Variants in LRRC4B observed in about 807,000 individuals in gnomAD.
LRRC4B encodes leucine-rich repeat-containing protein 4B.
In LRRC4B, 1 loss-of-function variant was observed where a neutral mutation model predicts 7.3. That is an observed-to-expected ratio of 0.14 (90% CI 0.05 to 0.65). The LOEUF is 0.65. Among genes scored for constraint, LRRC4B ranks in the 30% least tolerant of loss-of-function variants. The pLI, the probability that LRRC4B is intolerant of heterozygous loss-of-function variation, is 0.84. For synonymous variants in LRRC4B, 500 were observed against 499.2 expected, an observed-to-expected ratio of 1.00 and a Z score of -0.02; for missense variants, 730 against 1,041.6, an observed-to-expected ratio of 0.70 and a Z score of 4.12.
At chr19:50,533,269 G>A (rs1221348969) in intron 2 of LRRC4B, among the ~76,000 whole-genome samples, 3 of 151,788 alleles carry the variant, frequency 2.0e-5, no homozygotes, top group Non-Finnish European at 4.4e-5. Flanking sequence ...TGTCTTCTTT[G>A]TATTGACTGA....
chr19:50,529,162 G>A (rs1568721060), intron 2 of LRRC4B, among the ~76,000 whole-genome samples: 1 of 152,070 alleles, frequency 6.6e-6, no homozygotes, highest in Non-Finnish European at 1.5e-5. Flanking sequence ...CATTTCCCGG[G>A]ACGCTAAACA....
rs1356469386 is a variant in LRRC4B at position 50,548,623 on chromosome 19, G to A, written c.216C>T (p.Cys72=). 2 of 1,595,402 alleles carry A rather than the reference G, an allele frequency of 1.3e-6. No homozygotes were observed. Among genetic ancestry groups the A allele is most frequent in the East Asian group, 2.3e-5 (1 of 44,242 alleles). ...SCSNQASRVI[C]TRRDLAEVPA... Reference sequence around the variant, plus strand: ...GGACCTCGGCCAGGTCTCTCCGTGTGCAGATCACCCGGCTGGCCTGGTTGC... The same window carrying A: ...GGACCTCGGCCAGGTCTCTCCGTGTACAGATCACCCGGCTGGCCTGGTTGC... The change falls in exon 2 of 3, where the codon TGC becomes TGT. Residue 72 remains cysteine (C), a synonymous_variant. Coordinates refer to ENST00000652263, the MANE Select transcript of LRRC4B (RefSeq NM_001080457.2). This position sits in a 1 kb window ranked among gnomAD's most constrained non-coding sequence, Gnocchi z 6.8.
intron 2 of LRRC4B, among the ~76,000 whole-genome samples, chr19:50,520,164 C>T (rs1045140097): frequency 8.8e-6 from 1 of 113,992 alleles, no homozygotes; most frequent in Non-Finnish European, 1.7e-5. Context: ...CCTGATCACG[C>T]CACTGCACTC....
chr19:50,545,516 G>C (rs1405903621), intron 2 of LRRC4B, among the ~76,000 whole-genome samples: 5 of 151,670 alleles, frequency 3.3e-5, no homozygotes, highest in African/African-American at 1.2e-4. Context: ...GGGAAGTTAA[G>C]GCTGCAGGGA....
At chr19:50,535,936 G>C (rs1981262391) in intron 2 of LRRC4B, among the ~76,000 whole-genome samples, 1 of 152,214 alleles carries the variant, frequency 6.6e-6, no homozygotes, top group South Asian at 2.1e-4. Context: ...ATCTATATCA[G>C]AGGCATGTGC....
chr19:50,554,104 C>G (rs906724740), intron 1 of LRRC4B, among the ~76,000 whole-genome samples: 5 of 151,016 alleles, frequency 3.3e-5, no homozygotes, highest in Non-Finnish European at 7.4e-5. Context: ...AGCAATTCTC[C>G]TGCCCCAGCC....
chr19:50,564,921 G>A (rs536803256), intron 1 of LRRC4B, among the ~76,000 whole-genome samples: 2 of 151,740 alleles, frequency 1.3e-5, no homozygotes, highest in African/African-American at 2.4e-5. Flanking sequence ...CCTGAAGATC[G>A]GCCTCTCTGC....
Position 50,517,923 on chromosome 19 carries a change from T to C in LRRC4B, c.1790A>G (p.Tyr597Cys). ...FMAAVMLVAF[Y>C]KLRKQHQLHK... Reference sequence around the variant, plus strand: ...GAGCTGGTGCTGCTTGCGCAGCTTGTAGAAGGCCACGAGCATCACCGCGGC... The same window carrying C: ...GAGCTGGTGCTGCTTGCGCAGCTTGCAGAAGGCCACGAGCATCACCGCGGC... Residue 597 changes from tyrosine (Y) to cysteine (C), a missense_variant, in exon 3 of 3, where the codon TAC becomes TGC. Transcript: ENST00000652263. The surrounding 1 kb of genome is among the most constrained non-coding windows in gnomAD (Gnocchi z 6.6). The C allele has an allele frequency of 6.4e-7, 1 of 1,573,742 alleles. No homozygotes were observed. The highest frequency in any genetic ancestry group is 8.6e-7 in the Non-Finnish European group (1 of 1,165,544).
intron 1 of LRRC4B, among the ~76,000 whole-genome samples, chr19:50,561,994 T>TCA (rs200980259): frequency 0.15 from 22,970 of 151,878 alleles, 2,383 homozygotes; most frequent in Admixed American, 0.28. Context: ...GATGCGTGCC[T>TCA]GTAGTCTCAG....
chr19:50,536,412 C>T (rs375317512), intron 2 of LRRC4B, among the ~76,000 whole-genome samples: 1 of 152,202 alleles, frequency 6.6e-6, no homozygotes, highest in Non-Finnish European at 1.5e-5. Flanking sequence ...GGATTACAGG[C>T]GTGAGCCACT....
At position 50,563,782 on chromosome 19, in the gene LRRC4B, G is replaced by C. The variant is rs1982544147; in HGVS notation, c.-36+4162C>G. Among the ~76,000 whole-genome samples, 1 of 152,228 alleles carries C rather than the reference G, an allele frequency of 6.6e-6. No homozygotes were observed. Among genetic ancestry groups the C allele is most frequent in the Admixed American group, 6.5e-5 (1 of 15,290 alleles). ...CGCTGACTTTCCAACACTGTGAGGGGCTGGCAGTTTCACAGCAGATCCTGG... is the reference window on the plus strand; with the variant it reads ...CGCTGACTTTCCAACACTGTGAGGGCCTGGCAGTTTCACAGCAGATCCTGG... On this transcript the variant is annotated intron_variant, in intron 1 of 2. Coordinates refer to ENST00000652263, the MANE Select transcript of LRRC4B (RefSeq NM_001080457.2). The surrounding 1 kb of genome is among the most constrained non-coding windows in gnomAD (Gnocchi z 4.9).
In LRRC4B at chr19:50,553,427, A is replaced by C. The variant is rs1454514788; in HGVS notation, c.-35-4554T>G. ...CATCGCTTCCCTCCTCCCCCTGCTC[A>C]CTCGCTGTTTCCAGAACAGGCCGTG... On this transcript the variant is annotated intron_variant, in intron 1 of 2. Coordinates refer to ENST00000652263, the MANE Select transcript of LRRC4B (RefSeq NM_001080457.2). This position sits in a 1 kb window ranked among gnomAD's most constrained non-coding sequence, Gnocchi z 4.2. Among the ~76,000 whole-genome samples the C allele has an allele frequency of 6.6e-6, 1 of 151,588 alleles. No individual in the cohort carries two copies. Among genetic ancestry groups the C allele is most frequent in the Non-Finnish European group, 1.5e-5 (1 of 67,916 alleles).
chr19:50,562,835 G>C (rs191919466), intron 1 of LRRC4B, among the ~76,000 whole-genome samples: 3 of 151,624 alleles, frequency 2.0e-5, no homozygotes, highest in African/African-American at 7.3e-5. Flanking sequence ...CTGCCTCCCG[G>C]GTTCAAGCGA....
chr19:50,519,215 C>T lies in LRRC4B; in HGVS notation c.498G>A (p.Arg166=). 1 of 1,614,088 alleles carries T rather than the reference C, an allele frequency of 6.2e-7. No individual in the cohort carries two copies. Among genetic ancestry groups the T allele is most frequent in the Non-Finnish European group, 8.5e-7 (1 of 1,180,014 alleles). Residue 166 remains arginine, a synonymous_variant, in exon 3 of 3, where the codon CGG becomes CGA. Transcript: ENST00000652263. This position sits in a 1 kb window ranked among gnomAD's most constrained non-coding sequence, Gnocchi z 8.1. The part of the protein sequence containing the change: ...YLSKLRELWL[R]NNPIESIPSY... Reference sequence around the variant, plus strand: ...AGGGGATGCTCTCGATGGGGTTGTTCCGCAGCCAGAGCTCCCGCAGCTTGG... The same window carrying T: ...AGGGGATGCTCTCGATGGGGTTGTTTCGCAGCCAGAGCTCCCGCAGCTTGG...
At chr19:50,529,257 T>G (rs1282059133) in intron 2 of LRRC4B, among the ~76,000 whole-genome samples, 3 of 151,942 alleles carry the variant, frequency 2.0e-5, no homozygotes, top group Non-Finnish European at 4.4e-5. Flanking sequence ...CCTGGCGTGT[T>G]GAAGCTCCGT....
At chr19:50,542,719 T>C (rs1362339066) in intron 2 of LRRC4B, among the ~76,000 whole-genome samples, 2 of 152,044 alleles carry the variant, frequency 1.3e-5, no homozygotes, top group African/African-American at 2.4e-5. Context: ...TCAGGTGATC[T>C]GCCTGCCTCA....
chr19:50,554,953 C>G (rs943439065), intron 1 of LRRC4B, among the ~76,000 whole-genome samples: 12 of 152,174 alleles, frequency 7.9e-5, no homozygotes, highest in Admixed American at 1.3e-4. Context: ...GTGTGGGGGG[C>G]AGGGTGCAGG....
Position 50,518,271 on chromosome 19 carries a change from C to T in LRRC4B, c.1442G>A (p.Ser481Asn), listed in dbSNP as rs760253582. The T allele has an allele frequency of 3.1e-6, 5 of 1,600,272 alleles. No homozygotes were observed. The highest frequency in any genetic ancestry group is 3.4e-6 in the Non-Finnish European group (4 of 1,174,168). The change falls in exon 3 of 3, where the codon AGT becomes AAT. Residue 481 changes from serine to asparagine, a missense_variant. Ser to Asn is a conservative substitution (Grantham distance 46, BLOSUM62 1). Transcript: ENST00000652263. ...PGGSGGVGGGSGGYTYFTTVT... is the reference protein window; with the variant it reads ...PGGSGGVGGGNGGYTYFTTVT... Reference sequence around the variant, plus strand: ...CGTGGTGAAGTAGGTGTAGCCGCCACTGCCCCCTCCAACACCACCACTGCC... The same window carrying T: ...CGTGGTGAAGTAGGTGTAGCCGCCATTGCCCCCTCCAACACCACCACTGCC...
chr19:50,530,674 C>T (rs1409388479), intron 2 of LRRC4B, among the ~76,000 whole-genome samples: 2 of 152,028 alleles, frequency 1.3e-5, no homozygotes, highest in Admixed American at 1.3e-4. Context: ...GGGCTTGGCA[C>T]CTGGAGGCGT....
Sources: gnomAD v4.1 joint callset for allele counts (sites outside exome capture counted in the v4.1 genomes callset) on GRCh38, gnomAD v4.1.1 for gene constraint, Gnocchi (gnomAD v3.1) non-coding constraint, MANE v1.5 for transcripts, NCBI Gene and HGNC (gene_info 2026-07-23, HGNC 2026-07-21) for gene names.